TMEM232: variants seen among roughly 807,000 people sequenced by gnomAD.
The protein encoded by TMEM232 is transmembrane protein 232.
TMEM232 carries 80 observed loss-of-function variants against 78.8 expected under a neutral mutation model. The ratio of observed to expected loss-of-function variants is 1.01; its 90% CI spans 0.85 to 1.22. TMEM232 has a LOEUF of 1.22. Ranked by LOEUF, TMEM232 falls within the 50% of genes most tolerant of loss-of-function variation. The pLI, the probability that TMEM232 is intolerant of heterozygous loss-of-function variation, is 0.00. For missense variants in TMEM232, 881 were observed against 742.2 expected (o/e 1.19, Z -2.17); for synonymous variants, 297 against 254.3 (o/e 1.17, Z -1.60).
At chr5:110,704,053 G>A (rs1044309182) in intron 1 of TMEM232, among the ~76,000 whole-genome samples, 19 of 151,952 alleles carry the variant, frequency 1.3e-4, no homozygotes, top group African/African-American at 4.6e-4. Context: ...TATTGAAAGG[G>A]GATACGCTCC....
At chr5:110,392,966 A>G (rs1755258301) in intron 3 of TMEM232, among the ~76,000 whole-genome samples, 1 of 152,214 alleles carries the variant, frequency 6.6e-6, no homozygotes, top group Non-Finnish European at 1.5e-5. Context: ...CTTAATGTTC[A>G]TGAATTTGGT....
At chr5:110,597,232 G>C (rs1219355686) in intron 10 of TMEM232, among the ~76,000 whole-genome samples, 2 of 152,150 alleles carry the variant, frequency 1.3e-5, no homozygotes, top group Non-Finnish European at 2.9e-5. Context: ...CAGATGAACA[G>C]AGCCAAATCA....
intron 12 of TMEM232, among the ~76,000 whole-genome samples, chr5:110,502,063 G>T (rs774875068): frequency 3.3e-5 from 5 of 151,662 alleles, no homozygotes; most frequent in Non-Finnish European, 5.9e-5. Flanking sequence ...GTCTGTTTTT[G>T]GTTTTGTTTT....
At chr5:110,705,728 A>ACG (rs1281476985) in intron 1 of TMEM232, among the ~76,000 whole-genome samples, 1 of 44,652 alleles carries the variant, frequency 2.2e-5, no homozygotes, top group Non-Finnish European at 4.5e-5. Flanking sequence ...ATATATACAC[A>ACG]CACACACATA....
chr5:110,456,531 T>C (rs994615844), intron 12 of TMEM232, among the ~76,000 whole-genome samples: 6 of 152,108 alleles, frequency 3.9e-5, no homozygotes, highest in African/African-American at 1.4e-4. Flanking sequence ...TATATAGTAA[T>C]AGATAAACTG....
intron 12 of TMEM232, among the ~76,000 whole-genome samples, chr5:110,443,297 T>C (rs979622890): frequency 2.0e-5 from 3 of 152,062 alleles, no homozygotes; most frequent in Admixed American, 6.5e-5. Context: ...CAAACTACAA[T>C]GCAAAATCCT....
chr5:110,681,260 G>C (rs906980844), intron 1 of TMEM232, among the ~76,000 whole-genome samples: 3 of 152,146 alleles, frequency 2.0e-5, no homozygotes, highest in Non-Finnish European at 4.4e-5. Flanking sequence ...ATGCCTGCAA[G>C]GATTAACTGA....
intron 2 of TMEM232, among the ~76,000 whole-genome samples, chr5:110,410,718 C>T (rs1755964694): frequency 6.6e-6 from 1 of 152,106 alleles, no homozygotes; most frequent in South Asian, 2.1e-4. Flanking sequence ...TGTATAAACT[C>T]ATTTAATCCT....
At chr5:110,731,544 C>T (rs531976586), upstream of TMEM232, among the ~76,000 whole-genome samples, 354 of 152,372 alleles carry the variant, frequency 2.3e-3, no homozygotes, top group Non-Finnish European at 4.4e-3. Context: ...TTCTTGACTT[C>T]TGTGCACCTG....
chr5:110,628,193 C>T (rs1174036771), intron 5 of TMEM232, among the ~76,000 whole-genome samples: 2 of 151,870 alleles, frequency 1.3e-5, no homozygotes, highest in Non-Finnish European at 2.9e-5. Context: ...GTCATGAAAT[C>T]AATTGAGAGG....
At chr5:110,567,421 T>C (rs1376591954) in intron 11 of TMEM232, among the ~76,000 whole-genome samples, 2 of 151,862 alleles carry the variant, frequency 1.3e-5, no homozygotes, top group African/African-American at 4.8e-5. Context: ...TGAGCACTTA[T>C]TGTGTGTATT....
intron 12 of TMEM232, among the ~76,000 whole-genome samples, chr5:110,505,422 C>G (rs1301783684): frequency 6.6e-6 from 1 of 152,186 alleles, no homozygotes; most frequent in Non-Finnish European, 1.5e-5. Context: ...CATCTGCTAC[C>G]TGAATTGTTT....
At chr5:110,439,453 G>A (rs1418128041) in intron 12 of TMEM232, among the ~76,000 whole-genome samples, 1 of 151,800 alleles carries the variant, frequency 6.6e-6, no homozygotes, top group African/African-American at 2.4e-5. Flanking sequence ...CTACAGCCTG[G>A]GCAATTATCC....
At chr5:110,701,261 C>T (rs1364632642) in intron 1 of TMEM232, among the ~76,000 whole-genome samples, 2 of 151,906 alleles carry the variant, frequency 1.3e-5, no homozygotes, top group African/African-American at 4.8e-5. Flanking sequence ...AACTATGGTT[C>T]CAATCATCTA....
At chr5:110,453,923 T>A (rs764740559) in intron 12 of TMEM232, among the ~76,000 whole-genome samples, 1 of 151,226 alleles carries the variant, frequency 6.6e-6, no homozygotes, top group Non-Finnish European at 1.5e-5. Context: ...AACATTACAA[T>A]GTGATTAATA....
chr5:110,474,091 A>C (rs1762978731), intron 12 of TMEM232, among the ~76,000 whole-genome samples: 1 of 151,676 alleles, frequency 6.6e-6, no homozygotes, highest in South Asian at 2.1e-4. Flanking sequence ...TATAGTGACT[A>C]TAGTTAACAA....
At chr5:110,601,024 A>C (rs1780814552) in intron 10 of TMEM232, among the ~76,000 whole-genome samples, 1 of 152,208 alleles carries the variant, frequency 6.6e-6, no homozygotes, top group African/African-American at 2.4e-5. Context: ...AATAAACATA[A>C]TCCATCATAT....
chr5:110,674,268 T>A (rs1791745935), intron 1 of TMEM232, among the ~76,000 whole-genome samples: 1 of 152,162 alleles, frequency 6.6e-6, no homozygotes, highest in African/African-American at 2.4e-5. Flanking sequence ...ATCAGGAATG[T>A]GCAAAGGAGT....
At chr5:110,509,536 T>C (rs1767452832) in intron 12 of TMEM232, among the ~76,000 whole-genome samples, 1 of 152,206 alleles carries the variant, frequency 6.6e-6, no homozygotes, top group African/African-American at 2.4e-5. Flanking sequence ...ATAATCTGCC[T>C]TCACGATTTC....
Sources: allele counts gnomAD v4.1 joint callset (sites outside exome capture counted in the v4.1 genomes callset), GRCh38; gene constraint gnomAD v4.1.1; transcripts MANE v1.5; gene names NCBI Gene and HGNC (gene_info 2026-07-23, HGNC 2026-07-21).